The following ZFYVE28 variants were observed in gnomAD, a reference collection of about 807,000 sequenced individuals.
ZFYVE28 encodes lateral signaling target protein 2 homolog.
Under a neutral mutation model 82.1 loss-of-function variants are expected in ZFYVE28, and 40 were observed. That is an observed-to-expected ratio of 0.49 (90% CI 0.38 to 0.63). The LOEUF (loss-of-function observed/expected upper bound fraction) is 0.63, where lower values mean the gene tolerates loss of function less well. Ranked by LOEUF, ZFYVE28 falls within the 30% of genes least tolerant of loss-of-function variation. ZFYVE28 has a pLI of 0.00. For missense variants in ZFYVE28, 1,321 were observed against 1,242.1 expected, an observed-to-expected ratio of 1.06 and a Z score of -0.96; for synonymous variants, 612 against 546.1, an observed-to-expected ratio of 1.12 and a Z score of -1.68.
At chr4:2,388,332 A>G (rs1729486459) in intron 1 of ZFYVE28, among the ~76,000 whole-genome samples, 2 of 152,190 alleles carry the variant, frequency 1.3e-5, no homozygotes, top group Non-Finnish European at 2.9e-5. Context: ...AATACTGTCA[A>G]CCCCAGCACA....
At position 2,269,644 on chromosome 4, in the gene ZFYVE28, T is replaced by G. The variant is rs1478992583; in HGVS notation, c.*1081A>C. ...GGAAATGGCTTCAAATTACAGCATT[T>G]AGAAAATAAATATAATCTCAATACA... On this transcript the variant is annotated 3_prime_UTR_variant, in exon 13 of 13. Transcript: ENST00000290974. 1 of 152,228 alleles carries G rather than the reference T, an allele frequency of 6.6e-6. No homozygotes were observed. Among genetic ancestry groups the G allele is most frequent in the African/African-American group, 2.4e-5 (1 of 41,452 alleles). The allele number at this position is 152,228 out of a possible 1,614,324, so 9.4% of individuals were successfully genotyped here.
At chr4:2,329,803 A>C (rs1021283231) in intron 6 of ZFYVE28, among the ~76,000 whole-genome samples, 1 of 152,228 alleles carries the variant, frequency 6.6e-6, no homozygotes, top group Non-Finnish European at 1.5e-5. Flanking sequence ...AAATGGCTAC[A>C]GTATTGTTTT....
At chr4:2,410,454 CTT>C (rs11358765) in intron 1 of ZFYVE28, among the ~76,000 whole-genome samples, 52,025 of 119,454 alleles carry the variant, frequency 0.44, 10,315 homozygotes, top group East Asian at 0.62. Context: ...TCCTCCCTTT[CTT>C]TTTTTTTTTT....
rs1478680960 is a variant in ZFYVE28 at position 2,335,172 on chromosome 4, G to A, written c.701+533C>T. ...CCCAGACGGCCCCGCTGGCAGGAAAGGTTCCACACAGGTATTCCATCAGCC... is the reference window on the plus strand; with the variant it reads ...CCCAGACGGCCCCGCTGGCAGGAAAAGTTCCACACAGGTATTCCATCAGCC... On this transcript the variant is annotated intron_variant, in intron 6 of 12. Transcript: ENST00000290974. The surrounding 1 kb of genome is among the most constrained non-coding windows in gnomAD (Gnocchi z 5.8). Among the ~76,000 whole-genome samples the A allele has an allele frequency of 6.6e-6, 1 of 151,878 alleles. No homozygotes were observed. The highest frequency in any genetic ancestry group is 1.5e-5 in the Non-Finnish European group (1 of 67,946).
rs1476163473 is a variant in ZFYVE28, at chr4:2,332,373, C to T, written c.701+3332G>A. Among the ~76,000 whole-genome samples the T allele has an allele frequency of 6.6e-6, 1 of 152,148 alleles. No homozygotes were observed. The highest frequency in any genetic ancestry group is 2.4e-5 in the African/African-American group (1 of 41,422). On this transcript the variant is annotated intron_variant, in intron 6 of 12. Transcript: ENST00000290974. This position sits in a 1 kb window ranked among gnomAD's most constrained non-coding sequence, Gnocchi z 4.7. ...AGCCCTGGACTTGCCCCTGAGCATA[C>T]ACCACCTGCACCAACGTGCCCCTGC...
intron 8 of ZFYVE28, among the ~76,000 whole-genome samples, chr4:2,302,987 C>G (rs565543208): frequency 6.6e-6 from 1 of 152,182 alleles, no homozygotes; most frequent in African/African-American, 2.4e-5. Context: ...GCCGAGCCAT[C>G]GTAAGTCTGG....
chr4:2,310,462 T>A, intron 7 of ZFYVE28, among the ~76,000 whole-genome samples: 1 of 152,200 alleles, frequency 6.6e-6, no homozygotes, highest in East Asian at 1.9e-4. Context: ...TCTTGTAATA[T>A]CTTGGTCAGG....
intron 8 of ZFYVE28, among the ~76,000 whole-genome samples, chr4:2,280,054 A>C (rs1393879514): frequency 2.0e-5 from 3 of 152,218 alleles, no homozygotes; most frequent in African/African-American, 4.8e-5. Context: ...TTTTCTTGTA[A>C]TCGCCCAGCA....
chr4:2,367,208 G>A (rs1359257246), intron 1 of ZFYVE28, among the ~76,000 whole-genome samples: 1 of 152,180 alleles, frequency 6.6e-6, no homozygotes, highest in African/African-American at 2.4e-5. Context: ...CTGACAGCTG[G>A]GCATTTAAAC....
At chr4:2,324,920 C>A in intron 6 of ZFYVE28, 1 of 189,008 alleles carries the variant, frequency 5.3e-6, no homozygotes, top group East Asian at 1.2e-4. Context: ...GCTGACTTAC[C>A]AACTTACCAA....
In ZFYVE28 at chr4:2,305,508, C is replaced by G. The variant is rs1430391131; in HGVS notation, c.832G>C (p.Glu278Gln). ...RDLLQTLTEE[E>Q]LHTLERNLCI... Reference sequence around the variant, plus strand: ...AGGTTCCGTTCCAGCGTGTGCAGCTCCTCCTCCGTCAGCGTCTGCAGCAAA... The same window carrying G: ...AGGTTCCGTTCCAGCGTGTGCAGCTGCTCCTCCGTCAGCGTCTGCAGCAAA... Residue 278 changes from glutamate (E) to glutamine (Q), a missense_variant, in exon 8 of 13, where the codon GAG becomes CAG. This residue lies in a region of ZFYVE28 where 343 missense variants were observed against 408.4 expected (regional missense o/e 0.84). Transcript: ENST00000290974. The G allele has an allele frequency of 1.9e-6, 3 of 1,612,878 alleles. No homozygotes were observed. The African/African-American group carries it at 4.0e-5, about 22-fold the overall frequency.
chr4:2,347,495 C>T (rs1723767827), intron 2 of ZFYVE28, among the ~76,000 whole-genome samples: 1 of 152,034 alleles, frequency 6.6e-6, no homozygotes, highest in African/African-American at 2.4e-5. Flanking sequence ...GAACATATAC[C>T]AAGAAAGACC....
chr4:2,344,414 T>G (rs1723222430), intron 2 of ZFYVE28, among the ~76,000 whole-genome samples: 1 of 152,216 alleles, frequency 6.6e-6, no homozygotes, highest in Non-Finnish European at 1.5e-5. Flanking sequence ...TCTGCCTCCA[T>G]GTGAACAGCA....
In ZFYVE28 at chr4:2,320,139, C is replaced by A; in HGVS notation, c.803+31G>T. The A allele has an allele frequency of 1.3e-6, 2 of 1,544,008 alleles. No individual in the cohort carries two copies. The highest frequency in any genetic ancestry group is 2.2e-5 in the South Asian group (2 of 89,578). The stretch of plus-strand genomic sequence containing the variant: ...ACCTGTGGCCCTCCTGTCCCCCTCC[C>A]CTCCCCCACCTCCTCTAGCTCCATC... On this transcript the variant is annotated intron_variant, in intron 7 of 12. Coordinates refer to ENST00000290974, the MANE Select transcript of ZFYVE28 (RefSeq NM_020972.3). This position sits in a 1 kb window ranked among gnomAD's most constrained non-coding sequence, Gnocchi z 5.1.
Position 2,351,949 on chromosome 4 carries a change from T to C in ZFYVE28, c.180+1984A>G, listed in dbSNP as rs569056492. Among the ~76,000 whole-genome samples the C allele has an allele frequency of 8.9e-4, 135 of 152,298 alleles. 1 individual carries two copies. Among genetic ancestry groups the C allele is most frequent in the South Asian group, 1.0e-3 (5 of 4,826 alleles). On this transcript the variant is annotated intron_variant, in intron 2 of 12. Transcript: ENST00000290974. Reference sequence around the variant, plus strand: ...CCACTTATAATGTCATAAAAAGACATGAAATACAATTATCCCTCAGTACAC... The same window carrying C: ...CCACTTATAATGTCATAAAAAGACACGAAATACAATTATCCCTCAGTACAC...
At chr4:2,399,079 C>CATGGAG (rs1730853407) in intron 1 of ZFYVE28, among the ~76,000 whole-genome samples, 1 of 73,260 alleles carries the variant, frequency 1.4e-5, no homozygotes, top group African/African-American at 5.3e-5. Flanking sequence ...AGGGCACAAG[C>CATGGAG]GTGAAGGTGA....
At chr4:2,344,873 G>A (rs1723300470) in intron 2 of ZFYVE28, among the ~76,000 whole-genome samples, 1 of 151,354 alleles carries the variant, frequency 6.6e-6, no homozygotes, top group South Asian at 2.1e-4. Flanking sequence ...TCCAGCCTGG[G>A]CAATATGAGC....
chr4:2,375,032 T>C (rs980652665), intron 1 of ZFYVE28, among the ~76,000 whole-genome samples: 6 of 152,160 alleles, frequency 3.9e-5, no homozygotes, highest in Admixed American at 6.6e-5. Flanking sequence ...CTCTACTGCT[T>C]ATGAAAGTGT....
chr4:2,303,144 A>G (rs984328582), intron 8 of ZFYVE28, among the ~76,000 whole-genome samples: 1 of 152,140 alleles, frequency 6.6e-6, no homozygotes, highest in African/African-American at 2.4e-5. Context: ...CAGCACAGGA[A>G]AGAGCTGCAG....
Sources: gnomAD v4.1 joint callset for allele counts (sites outside exome capture counted in the v4.1 genomes callset) on GRCh38, gnomAD v4.1.1 for gene constraint, gnomAD v4.1.1 regional missense constraint, Gnocchi (gnomAD v3.1) non-coding constraint, MANE v1.5 for transcripts, NCBI Gene and HGNC (gene_info 2026-07-23, HGNC 2026-07-21) for gene names.